PCNT: variants seen among roughly 807,000 people sequenced by gnomAD.
The protein encoded by PCNT is kendrin.
In PCNT, 319 loss-of-function variants were observed where a neutral mutation model predicts 380.4. That is an observed-to-expected ratio of 0.84 (90% CI 0.77 to 0.92). The LOEUF (loss-of-function observed/expected upper bound fraction) is 0.92. Ranked by LOEUF, PCNT falls within the 40% of genes least tolerant of loss-of-function variation. PCNT has a pLI of 0.00. For synonymous variants in PCNT, 1,845 were observed against 1,735.2 expected (o/e 1.06, Z -1.57); for missense variants, 4,400 against 4,255.3 (o/e 1.03, Z -0.95).
chr21:46,379,680 C>T (rs935127934), intron 15 of PCNT, among the ~76,000 whole-genome samples: 2 of 152,076 alleles, frequency 1.3e-5, no homozygotes, highest in Admixed American at 6.6e-5. Flanking sequence ...TATCTTCCAG[C>T]GTGTGAATTC....
chr21:46,434,753 C>T (rs1016410410), intron 38 of PCNT, among the ~76,000 whole-genome samples: 2 of 152,234 alleles, frequency 1.3e-5, no homozygotes, highest in African/African-American at 4.8e-5. Context: ...CACCCAGGCT[C>T]AGCCCCAGGG....
At chr21:46,344,794 C>T (rs1382236553) in intron 3 of PCNT, among the ~76,000 whole-genome samples, 1 of 152,226 alleles carries the variant, frequency 6.6e-6, no homozygotes, top group African/African-American at 2.4e-5. Context: ...TGCAGCTTTT[C>T]TTTTCCCTTT....
intron 15 of PCNT, among the ~76,000 whole-genome samples, chr21:46,369,108 T>A (rs1569210386): frequency 6.6e-6 from 1 of 152,234 alleles, no homozygotes; most frequent in Admixed American, 6.5e-5. Context: ...GGGGAATTCC[T>A]AGAAAGCAGA....
intron 10 of PCNT, among the ~76,000 whole-genome samples, chr21:46,353,667 T>G (rs1223268392): frequency 2.7e-5 from 4 of 149,558 alleles, no homozygotes; most frequent in South Asian, 2.1e-4. Flanking sequence ...GCAGGGGCGC[T>G]CTCCTCCAGG....
intron 3 of PCNT, among the ~76,000 whole-genome samples, chr21:46,343,732 G>A (rs1235437562): frequency 2.6e-5 from 4 of 152,172 alleles, no homozygotes; most frequent in South Asian, 4.1e-4. Context: ...GAATTCAGCT[G>A]TGAATCCCTC....
chr21:46,427,221 C>T (rs1335088000), intron 33 of PCNT, among the ~76,000 whole-genome samples: 6 of 152,228 alleles, frequency 3.9e-5, no homozygotes, highest in Non-Finnish European at 7.4e-5. Flanking sequence ...CTTTGCTTCT[C>T]GTGCCTTGAA....
In PCNT at chr21:46,430,893, G is replaced by GC. The variant is rs560879641; in HGVS notation, c.8064+245dup. The GC allele has an allele frequency of 0.059, 58,098 of 977,650 alleles. 1,456 individuals carry two copies. The highest frequency in any genetic ancestry group is 0.062 in the Non-Finnish European group (51,007 of 823,320). The allele number at this position is 977,650 out of a possible 1,614,324, so 60.6% of individuals were successfully genotyped here. ...TGGTGGCACGATACCCCTGCTCGGA[G>GC]CCCCCCCCCGTCCCTGAGCACTTGC... On this transcript the variant is annotated intron_variant, in intron 37 of 46. Transcript: ENST00000359568.
Position 46,388,796 on chromosome 21 carries a change from G to A in PCNT, c.3519G>A (p.Leu1173=). ...TGCTGGGTTTGTTTGGAGAGACGCT[G>A]AGGGCAGCCGTCACCCTGAGGAGCC... ...RRLLGLFGET[L]RAAVTLRSRI... is the part of the protein sequence containing the mutation. The change falls in exon 18 of 47, where the codon CTG becomes CTA. Residue 1173 remains leucine, a synonymous_variant. Transcript: ENST00000359568. The surrounding 1 kb of genome is among the most constrained non-coding windows in gnomAD (Gnocchi z 4.2). 6.2e-7 allele frequency: 1 copy of A among 1,613,678 alleles called. No homozygotes were observed. Among genetic ancestry groups the A allele is most frequent in the Middle Eastern group, 1.7e-4 (1 of 5,948 alleles).
rs1157439092 is a variant in PCNT at position 46,355,601 on chromosome 21, G to A, written c.1911G>A (p.Leu637=). 2 of 1,613,892 alleles carry A rather than the reference G, an allele frequency of 1.2e-6. No homozygotes were observed. Among genetic ancestry groups the A allele is most frequent in the East Asian group, 2.2e-5 (1 of 44,872 alleles). The change falls in exon 12 of 47, where the codon CTG becomes CTA. Residue 637 remains leucine, a synonymous_variant. Coordinates refer to ENST00000359568, the MANE Select transcript of PCNT (RefSeq NM_006031.6). ...ETSALGHEWR[L]EPSEGHSQEL... is the part of the protein sequence containing the mutation. ...CAGCATTGGGACACGAGTGGCGTCT[G>A]GAACCCTCTGAAGGGCACAGCCAAG...
At chr21:46,424,631 C>T (rs2087409620) in intron 32 of PCNT, among the ~76,000 whole-genome samples, 1 of 152,204 alleles carries the variant, frequency 6.6e-6, no homozygotes, top group East Asian at 1.9e-4. Flanking sequence ...AGGAAATGGC[C>T]TGTCCTCTGC....
intron 12 of PCNT, among the ~76,000 whole-genome samples, chr21:46,356,148 C>T (rs753837936): frequency 4.5e-4 from 69 of 152,220 alleles, no homozygotes; most frequent in Non-Finnish European, 6.8e-4. Context: ...TGGCCACTGA[C>T]GGGTTCCAGG....
At chr21:46,346,305 TCTC>T (rs1202410581) in intron 4 of PCNT, 97 bp downstream of exon 4, 1 of 659,330 alleles carries the variant, frequency 1.5e-6, no homozygotes, top group Non-Finnish European at 2.7e-6. Context: ...GGCGCTGCCA[TCTC>T]CTTTCTCTGA....
rs372068143 is a variant in PCNT, at chr21:46,430,222, C to T, written c.7903C>T (p.Leu2635Phe). ...RSLCEVQQEV[L>F]QLRSMLSSKE... Reference sequence around the variant, plus strand: ...CCTCTGCGAGGTGCAGCAGGAGGTCCTCCAGCTGAGGTGCGCCTGATCCCC... The same window carrying T: ...CCTCTGCGAGGTGCAGCAGGAGGTCTTCCAGCTGAGGTGCGCCTGATCCCC... Residue 2635 changes from leucine (L) to phenylalanine (F), a missense_variant, in exon 36 of 47, where the codon CTC (leucine) becomes TTC (phenylalanine). By Grantham distance (22) the Leu-to-Phe change is conservative. Coordinates refer to ENST00000359568, the MANE Select transcript of PCNT (RefSeq NM_006031.6). 4 of 1,613,144 alleles carry T rather than the reference C, an allele frequency of 2.5e-6. No homozygotes were observed. Among genetic ancestry groups the T allele is most frequent in the Admixed American group, 1.7e-5 (1 of 59,994 alleles).
At chr21:46,395,580 C>A (rs1011872450) in intron 21 of PCNT, among the ~76,000 whole-genome samples, 7 of 149,402 alleles carry the variant, frequency 4.7e-5, no homozygotes, top group Non-Finnish European at 1.0e-4. Context: ...GCAGCAGAGA[C>A]TCCATCTCAG....
In PCNT at chr21:46,326,600, T is replaced by C; in HGVS notation, c.267+11T>C. 1.2e-6 allele frequency: 2 copies of C among 1,610,878 alleles called. No homozygotes were observed. The highest frequency in any genetic ancestry group is 8.5e-7 in the Non-Finnish European group (1 of 1,177,054). ...GCCTTTGCAGCTCAGGTAGATTTGC[T>C]CAATGTTGTATTTGAACATTTCGCT... On this transcript the variant is annotated intron_variant, in intron 2 of 46. Coordinates refer to ENST00000359568, the MANE Select transcript of PCNT (RefSeq NM_006031.6).
At chr21:46,373,395 T>C (rs894701216) in intron 15 of PCNT, among the ~76,000 whole-genome samples, 1 of 152,034 alleles carries the variant, frequency 6.6e-6, no homozygotes, top group Non-Finnish European at 1.5e-5. Context: ...TAAGTTAGCT[T>C]TTTACTTTGC....
At chr21:46,437,149 G>T (rs1334287329) in intron 40 of PCNT, 68 bp downstream of exon 40, 2 of 1,036,550 alleles carry the variant, frequency 1.9e-6, no homozygotes, top group Admixed American at 1.8e-5. Flanking sequence ...CGGCAGCTTT[G>T]TGGTTCTTTT....
At chr21:46,437,238 G>A (rs530473127) in intron 40 of PCNT, among the ~76,000 whole-genome samples, 157 bp downstream of exon 40, 4 of 152,050 alleles carry the variant, frequency 2.6e-5, no homozygotes, top group African/African-American at 9.7e-5. Flanking sequence ...GGGTGGGGTC[G>A]ACCCTGTGGG....
rs576697749 is a variant in PCNT, at chr21:46,436,450, C to T, written c.8996+302C>T. 9.5e-5 allele frequency among the ~76,000 whole-genome samples: 8 copies of T among 84,510 alleles called. No homozygotes were observed. In the South Asian group the frequency reaches 3.7e-3, roughly 39 times the overall value. 55.4% of individuals were successfully genotyped at this position (84,510 alleles called of 152,430 possible). A position where few individuals can be genotyped will look rare whatever the true frequency, so the allele number is the denominator to read the frequency against. On this transcript the variant is annotated intron_variant, in intron 39 of 46. Transcript: ENST00000359568. ...TGTAGTTGCTCACCACCCACAGGGTCGGGTTTGGAGCCTCCTGTGGCCCCC... is the reference window on the plus strand; with the variant it reads ...TGTAGTTGCTCACCACCCACAGGGTTGGGTTTGGAGCCTCCTGTGGCCCCC...
Sources: allele counts gnomAD v4.1 joint callset (sites outside exome capture counted in the v4.1 genomes callset), GRCh38; gene constraint gnomAD v4.1.1; non-coding constraint Gnocchi (gnomAD v3.1); transcripts MANE v1.5; gene names NCBI Gene and HGNC (gene_info 2026-07-23, HGNC 2026-07-21).